The following ZNF883 variants were observed in gnomAD, a reference collection of about 807,000 sequenced individuals.
ZNF883 encodes the protein zinc finger protein 883.
At chr9:113,002,104 A>G (rs916962008), upstream of ZNF883, 1 of 152,208 alleles carries the variant, frequency 6.6e-6, no homozygotes, top group Non-Finnish European at 1.5e-5. Flanking sequence ...CTGCTCATTA[A>G]AGGATCAGTC....
chr9:113,004,687 T>C (rs964015374), intron 2 of ZNF883, among the ~76,000 whole-genome samples: 1 of 151,868 alleles, frequency 6.6e-6, no homozygotes, highest in African/African-American at 2.4e-5. Context: ...AAAGAAATGT[T>C]TGTTGTTTAA....
downstream of ZNF883, chr9:112,997,022 TA>T: frequency 8.2e-7 from 1 of 1,221,988 alleles, no homozygotes; most frequent in Non-Finnish European, 1.1e-6. Context: ...GTGTTTTGCC[TA>T]AGATTTTCCT....
chr9:113,005,545 T>G (rs1828466396), intron 2 of ZNF883, among the ~76,000 whole-genome samples: 1 of 152,228 alleles, frequency 6.6e-6, no homozygotes. Context: ...GCTGCTCTCA[T>G]ATACTCTTAG....
chr9:112,997,787 C>T (rs1175924201), exon 1 of ZNF883: 23 of 1,613,378 alleles, frequency 1.4e-5, no homozygotes, highest in Non-Finnish European at 1.4e-5. Flanking sequence ...GGTTTTTCCA[C>T]ATTCAGTACA....
chr9:113,004,772 G>A (rs1165140269), intron 2 of ZNF883, among the ~76,000 whole-genome samples: 3 of 150,276 alleles, frequency 2.0e-5, no homozygotes, highest in South Asian at 2.1e-4. Flanking sequence ...GAAAAAAGAC[G>A]AGGATTGAGG....
downstream of ZNF883, chr9:112,997,081 A>G (rs367665475): frequency 8.1e-5 from 122 of 1,512,456 alleles, no homozygotes; most frequent in Middle Eastern, 2.3e-4. Context: ...TCAGGTGTAA[A>G]CAATAACCTA....
chr9:112,991,069 AT>A (rs1196486075), intron 1 of ZNF883, among the ~76,000 whole-genome samples: 21 of 151,724 alleles, frequency 1.4e-4, no homozygotes, highest in African/African-American at 5.1e-4. Context: ...GGATTCATTG[AT>A]TTTTTTGAAG....
chr9:113,005,907 T>G (rs1452066375), intron 2 of ZNF883, among the ~76,000 whole-genome samples: 1 of 152,142 alleles, frequency 6.6e-6, no homozygotes, highest in Non-Finnish European at 1.5e-5. Flanking sequence ...AACAGACTTC[T>G]CTTGATTCCC....
exon 1 of ZNF883, chr9:112,997,853 T>C (rs376139817): frequency 1.6e-5 from 26 of 1,613,246 alleles, no homozygotes; most frequent in Non-Finnish European, 2.1e-5. Flanking sequence ...GGCAGAGATA[T>C]GGCTGAAAGC....
exon 1 of ZNF883, chr9:112,997,650 T>C (rs761665577): frequency 1.4e-5 from 22 of 1,613,322 alleles, no homozygotes; most frequent in Non-Finnish European, 1.6e-5. Flanking sequence ...TTCTCTCCTG[T>C]GTGGGTTCTC....
At chr9:112,994,515 T>C (rs1002876341), downstream of ZNF883, among the ~76,000 whole-genome samples, 1 of 152,182 alleles carries the variant, frequency 6.6e-6, no homozygotes, top group African/African-American at 2.4e-5. Flanking sequence ...TCCATTTATA[T>C]TGTGATTCAA....
chr9:112,997,018 T>C, downstream of ZNF883: 15 of 1,134,202 alleles, frequency 1.3e-5, no homozygotes, highest in South Asian at 1.6e-4. Flanking sequence ...ATGAGTGTTT[T>C]GCCTAAGATT....
At chr9:112,990,283 G>A (rs1032638109) in intron 1 of ZNF883, among the ~76,000 whole-genome samples, 1 of 152,086 alleles carries the variant, frequency 6.6e-6, no homozygotes, top group Non-Finnish European at 1.5e-5. Flanking sequence ...TTTGAGATAT[G>A]TTCCATCAAA....
chr9:113,008,188 T>C (rs937158168), intron 2 of ZNF883, among the ~76,000 whole-genome samples: 1 of 152,204 alleles, frequency 6.6e-6, no homozygotes, highest in Non-Finnish European at 1.5e-5. Flanking sequence ...ACATGCAAAT[T>C]ACTGCCTATA....
downstream of ZNF883, among the ~76,000 whole-genome samples, chr9:112,994,753 T>A (rs1057034558): frequency 4.6e-5 from 7 of 152,280 alleles, no homozygotes; most frequent in South Asian, 2.1e-4. Context: ...TACTTTTTTT[T>A]AATATATTGT....
At chr9:112,995,843 T>C (rs1216313501), downstream of ZNF883, among the ~76,000 whole-genome samples, 1 of 152,142 alleles carries the variant, frequency 6.6e-6, no homozygotes, top group Non-Finnish European at 1.5e-5. Context: ...TCCTTCCATA[T>C]ATATTTATAA....
intron 1 of ZNF883, among the ~76,000 whole-genome samples, chr9:112,991,625 G>C (rs1828304129): frequency 6.6e-6 from 1 of 151,966 alleles, no homozygotes; most frequent in Non-Finnish European, 1.5e-5. Context: ...GTGAGTTCAA[G>C]TCCTGAATAT....
At chr9:112,992,300 T>G (rs1048896108), downstream of ZNF883, among the ~76,000 whole-genome samples, 14 of 152,232 alleles carry the variant, frequency 9.2e-5, no homozygotes, top group African/African-American at 3.4e-4. Flanking sequence ...CCCTCAGCAT[T>G]TGCTTGTCTG....
chr9:113,000,341 G>C (rs1261097585), upstream of ZNF883, among the ~76,000 whole-genome samples: 1 of 152,144 alleles, frequency 6.6e-6, no homozygotes, highest in Non-Finnish European at 1.5e-5. Context: ...TTTAAACAGA[G>C]AAATTCAATG....
Sources: gnomAD v4.1 joint callset for allele counts (sites outside exome capture counted in the v4.1 genomes callset) on GRCh38, gnomAD v4.1.1 for gene constraint, MANE v1.5 for transcripts, NCBI Gene and HGNC (gene_info 2026-07-23, HGNC 2026-07-21) for gene names.